Variants in BRDT observed in about 807,000 individuals in gnomAD.
The protein encoded by BRDT is bromodomain testis associated.
BRDT carries 77 observed loss-of-function variants against 113.9 expected under a neutral mutation model. The ratio of observed to expected loss-of-function variants is 0.68; its 90% CI spans 0.56 to 0.82. The LOEUF is 0.82. BRDT is among the 40% of genes least tolerant of loss of function. The probability of loss-of-function intolerance (pLI) is 0.00; values close to 1 mark genes in which losing one functional copy is unlikely to be tolerated. For missense variants in BRDT, 1,027 were observed against 1,105.4 expected (o/e 0.93, Z 1.01); for synonymous variants, 358 against 366.5 (o/e 0.98, Z 0.26).
At chr1:91,952,112 A>C (rs976203427) in intron 1 of BRDT, 4 of 152,248 alleles carry the variant, frequency 2.6e-5, no homozygotes, top group African/African-American at 9.6e-5. Flanking sequence ...GTTAGTACAT[A>C]TTCAATAAAT....
At chr1:91,971,592 A>T (rs767878842) in intron 4 of BRDT, among the ~76,000 whole-genome samples, 2 of 152,220 alleles carry the variant, frequency 1.3e-5, no homozygotes, top group Non-Finnish European at 2.9e-5. Flanking sequence ...CAAATACTTG[A>T]GTGCTGATTA....
chr1:91,958,634 A>G (rs1682065885), intron 1 of BRDT, among the ~76,000 whole-genome samples: 1 of 152,218 alleles, frequency 6.6e-6, no homozygotes, highest in Non-Finnish European at 1.5e-5. Flanking sequence ...GCAATTATGA[A>G]TAAAGCTGCT....
intron 15 of BRDT, among the ~76,000 whole-genome samples, chr1:91,994,846 C>G (rs1291385345): frequency 9.6e-6 from 1 of 104,082 alleles, no homozygotes; most frequent in Non-Finnish European, 1.7e-5. Context: ...CCAGCCTGGG[C>G]GACAGAGCAA....
intron 4 of BRDT, 29 bp from the exon 5 acceptor site, chr1:91,976,237 A>G: frequency 3.9e-6 from 6 of 1,544,282 alleles, no homozygotes; most frequent in South Asian, 1.3e-5. Context: ...ATTCATTCAT[A>G]TATTTGATTC....
intron 12 of BRDT, among the ~76,000 whole-genome samples, chr1:91,988,125 G>A (rs1052591387): frequency 6.6e-6 from 1 of 152,208 alleles, no homozygotes; most frequent in Non-Finnish European, 1.5e-5. Context: ...GGAATCACAG[G>A]TGTGAGCCAC....
intron 2 of BRDT, among the ~76,000 whole-genome samples, 177 bp from the exon 3 acceptor site, chr1:91,964,450 C>T (rs1054832339): frequency 4.6e-5 from 7 of 152,366 alleles, no homozygotes; most frequent in Middle Eastern, 3.4e-3. Flanking sequence ...CCTGCCTTGG[C>T]CTCCCGAAGT....
Position 91,981,339 on chromosome 1 carries a change from G to A in BRDT, c.1822G>A (p.Asp608Asn). 6.2e-7 allele frequency: 1 copy of A among 1,614,086 alleles called. No individual in the cohort carries two copies. Among genetic ancestry groups the A allele is most frequent in the Non-Finnish European group, 8.5e-7 (1 of 1,179,990 alleles). ...ACAGGAATTGGAAAAGCGGTTACTGGATGTTAATAATCAGTTAAATTCTAG... is the reference window on the plus strand; with the variant it reads ...ACAGGAATTGGAAAAGCGGTTACTGAATGTTAATAATCAGTTAAATTCTAG... ...KKQELEKRLL[D>N]VNNQLNSRKR... is the part of the protein sequence containing the mutation. The change falls in exon 11 of 19, where the codon GAT becomes AAT. Residue 608 changes from aspartate to asparagine, a missense_variant. Transcript: ENST00000399546.
intron 3 of BRDT, among the ~76,000 whole-genome samples, chr1:91,966,561 A>G (rs1029848357): frequency 6.6e-6 from 1 of 152,174 alleles, no homozygotes; most frequent in Non-Finnish European, 1.5e-5. Flanking sequence ...AATCAGTACC[A>G]TTGGCAACTT....
chr1:91,960,452 AAT>A (rs1193267076), intron 1 of BRDT, among the ~76,000 whole-genome samples: 1 of 152,232 alleles, frequency 6.6e-6, no homozygotes, highest in East Asian at 1.9e-4. Flanking sequence ...AAAAAAGATA[AAT>A]ATGATTTGTC....
intron 4 of BRDT, among the ~76,000 whole-genome samples, chr1:91,975,563 A>G (rs7551956): frequency 0.79 from 119,501 of 152,102 alleles, 47,666 homozygotes; most frequent in Non-Finnish European, 0.85. Flanking sequence ...GAAGTGTTTG[A>G]AGTCTAGATA....
At chr1:91,968,074 G>C in intron 3 of BRDT, 72 bp from the exon 4 acceptor site, 1 of 1,493,978 alleles carries the variant, frequency 6.7e-7, no homozygotes, top group Non-Finnish European at 9.1e-7. Context: ...TCCATAAAGT[G>C]GGCTGAATTT....
intron 1 of BRDT, among the ~76,000 whole-genome samples, chr1:91,955,010 A>C (rs893091066): frequency 2.0e-5 from 3 of 152,154 alleles, no homozygotes; most frequent in Non-Finnish European, 4.4e-5. Context: ...TAGACTGCAG[A>C]TTATAGTTGC....
At chr1:91,993,664 T>G (rs1352601748) in intron 14 of BRDT, among the ~76,000 whole-genome samples, 1 of 152,172 alleles carries the variant, frequency 6.6e-6, no homozygotes, top group Non-Finnish European at 1.5e-5. Flanking sequence ...TGTAATACAG[T>G]AAGGAAAAAT....
At chr1:91,981,213 G>A in intron 10 of BRDT, 35 bp downstream of exon 10, 1 of 1,607,890 alleles carries the variant, frequency 6.2e-7, no homozygotes, top group Non-Finnish European at 8.5e-7. Context: ...AAATCGGTTT[G>A]GTATTTATGT....
intron 12 of BRDT, among the ~76,000 whole-genome samples, chr1:91,985,426 C>A (rs2101702371): frequency 6.6e-6 from 1 of 151,904 alleles, no homozygotes; most frequent in African/African-American, 2.4e-5. Context: ...AACTCCTGAT[C>A]TCAGGTGATC....
chr1:91,977,112 G>A lies in BRDT; in HGVS notation c.688G>A (p.Glu230Lys), dbSNP rs1684218579. The change falls in exon 6 of 19, where the codon GAA (glutamate) becomes AAA (lysine). Residue 230 changes from glutamate (E) to lysine (K), a missense_variant. Transcript: ENST00000399546. ...PATSAVKASS[E>K]FSPTFTEKSV... ...AACTTCAGCAGTTAAAGCAAGTAGTGAATTTTCTCCAACATTCACAGAAAA... is the reference window on the plus strand; with the variant it reads ...AACTTCAGCAGTTAAAGCAAGTAGTAAATTTTCTCCAACATTCACAGAAAA... 2 of 1,613,700 alleles carry A rather than the reference G, an allele frequency of 1.2e-6. No homozygotes were observed. The highest frequency in any genetic ancestry group is 8.5e-7 in the Non-Finnish European group (1 of 1,179,914).
In BRDT at chr1:91,975,790, A is replaced by G. The variant is rs150165607; in HGVS notation, c.446-476A>G. Among the ~76,000 whole-genome samples the G allele has an allele frequency of 2.9e-3, 436 of 152,330 alleles. 1 individual carries two copies. The highest frequency in any genetic ancestry group is 0.01 in the African/African-American group (420 of 41,574). Reference sequence around the variant, plus strand: ...GAGAACAGGGCAGAAGAACGTGACAATTGTTCCTTTGGCAGAATTTTCTGA... The same window carrying G: ...GAGAACAGGGCAGAAGAACGTGACAGTTGTTCCTTTGGCAGAATTTTCTGA... On this transcript the variant is annotated intron_variant, in intron 4 of 18. Transcript: ENST00000399546.
At chr1:92,011,342 C>A in intron 18 of BRDT, among the ~76,000 whole-genome samples, 1 of 152,114 alleles carries the variant, frequency 6.6e-6, no homozygotes, top group East Asian at 1.9e-4. Flanking sequence ...GGAAATGTAG[C>A]TAATGCAACT....
Position 92,004,525 on chromosome 1 carries a change from A to G in BRDT, c.2500A>G (p.Ile834Val), listed in dbSNP as rs1234659075. The change falls in exon 17 of 19, where the codon ATA (isoleucine) becomes GTA (valine). Residue 834 changes from isoleucine to valine, a missense_variant. By Grantham distance (29) the Ile-to-Val change is conservative (BLOSUM62 3). Coordinates refer to ENST00000399546, the MANE Select transcript of BRDT (RefSeq NM_207189.4). ...ELFNQFRKAAIEKEVKARTQE... is the reference protein window; with the variant it reads ...ELFNQFRKAAVEKEVKARTQE... ...CTTCAACCAATTTAGAAAAGCAGCC[A>G]TAGAAAAGGAAGTAAAAGCTCGGAC... The G allele has an allele frequency of 2.5e-6, 4 of 1,613,530 alleles. No individual in the cohort carries two copies. Among genetic ancestry groups the G allele is most frequent in the East Asian group, 2.2e-5 (1 of 44,820 alleles).
Sources: gnomAD v4.1 joint callset for allele counts (sites outside exome capture counted in the v4.1 genomes callset) on GRCh38, gnomAD v4.1.1 for gene constraint, MANE v1.5 for transcripts, NCBI Gene and HGNC (gene_info 2026-07-23, HGNC 2026-07-21) for gene names.